The following RIPOR3 variants were observed in gnomAD, a reference collection of about 807,000 sequenced individuals.
RIPOR3 encodes family with sequence similarity 65 member C.
RIPOR3 carries 95 observed loss-of-function variants against 114.3 expected under a neutral mutation model. The ratio of observed to expected loss-of-function variants is 0.83; its 90% CI spans 0.70 to 0.99. The LOEUF (loss-of-function observed/expected upper bound fraction) is 0.99. Among genes scored for constraint, RIPOR3 ranks in the 50% least tolerant of loss-of-function variants. The pLI, the probability that RIPOR3 is intolerant of heterozygous loss-of-function variation, is 0.00. For synonymous variants in RIPOR3, 575 were observed against 543.8 expected (o/e 1.06, Z -0.80); for missense variants, 1,252 against 1,266.9 (o/e 0.99, Z 0.18).
chr20:50,646,896 A>G (rs1276644921), intron 1 of RIPOR3, among the ~76,000 whole-genome samples: 1 of 152,248 alleles, frequency 6.6e-6, no homozygotes, highest in Non-Finnish European at 1.5e-5. Flanking sequence ...TTGGGAATGC[A>G]TCTCCAATTT....
rs190393354 is a variant in RIPOR3 at position 50,629,226 on chromosome 20, G to A, written c.122+1512C>T. The stretch of plus-strand genomic sequence containing the variant: ...GGGAATCTTTGCAGGGTTTCAAGTC[G>A]GGGAAGAGCATGGTGGGATTTTATT... On this transcript the variant is annotated intron_variant, in intron 2 of 21. Coordinates refer to ENST00000327979, the MANE Select transcript of RIPOR3 (RefSeq NM_001290268.2). Among the ~76,000 whole-genome samples, 105 of 152,252 alleles carry A rather than the reference G, an allele frequency of 6.9e-4. 1 individual carries two copies. The highest frequency in any genetic ancestry group is 2.5e-3 in the African/African-American group (103 of 41,530).
chr20:50,588,939 G>C (rs557185789), intron 20 of RIPOR3, among the ~76,000 whole-genome samples: 1 of 151,396 alleles, frequency 6.6e-6, no homozygotes, highest in Admixed American at 6.6e-5. Context: ...AAAATTAGCC[G>C]GGCGTGGTGG....
chr20:50,618,081 T>C (rs1360617666), intron 3 of RIPOR3, among the ~76,000 whole-genome samples: 1 of 151,716 alleles, frequency 6.6e-6, no homozygotes, highest in Non-Finnish European at 1.5e-5. Flanking sequence ...CTGACCAATA[T>C]GGTGAAACCA....
At chr20:50,666,183 A>ATTTCTTTTTTCTTTTCTCTTCT (rs534286175) in intron 1 of RIPOR3, among the ~76,000 whole-genome samples, 1 of 43,734 alleles carries the variant, frequency 2.3e-5, no homozygotes, top group Non-Finnish European at 6.1e-5. Flanking sequence ...AAGGACACCC[A>ATTTCTTTTTTCTTTTCTCTTCT]TTTCTTTTCT....
chr20:50,587,719 C>G, intron 21 of RIPOR3, 83 bp downstream of exon 21: 1 of 1,375,072 alleles, frequency 7.3e-7, no homozygotes, highest in Non-Finnish European at 1.0e-6. Context: ...GTTCTGCCTG[C>G]TGGGAGAGCT....
chr20:50,651,988 T>C (rs538953158), intron 1 of RIPOR3, among the ~76,000 whole-genome samples: 210 of 152,334 alleles, frequency 1.4e-3, no homozygotes, highest in Non-Finnish European at 2.3e-3. Context: ...GACAAGACCT[T>C]AGGTCTTTGA....
At chr20:50,669,941 G>A (rs967347962) in intron 1 of RIPOR3, among the ~76,000 whole-genome samples, 8 of 151,850 alleles carry the variant, frequency 5.3e-5, no homozygotes, top group African/African-American at 1.5e-4. Flanking sequence ...TGGATCACCT[G>A]AGGTCAGGAG....
At chr20:50,614,079 A>G (rs2084073406) in intron 4 of RIPOR3, among the ~76,000 whole-genome samples, 1 of 152,190 alleles carries the variant, frequency 6.6e-6, no homozygotes, top group Non-Finnish European at 1.5e-5. Context: ...TCTATCGTCC[A>G]GGCTGGTGTG....
At chr20:50,675,141 A>G (rs2086642678) in intron 1 of RIPOR3, among the ~76,000 whole-genome samples, 1 of 152,114 alleles carries the variant, frequency 6.6e-6, no homozygotes, top group Non-Finnish European at 1.5e-5. Context: ...CTGAGGAACA[A>G]CAAGGATCCC....
chr20:50,667,613 G>A (rs920788833), intron 1 of RIPOR3, among the ~76,000 whole-genome samples: 4 of 152,112 alleles, frequency 2.6e-5, no homozygotes, highest in African/African-American at 9.7e-5. Context: ...TTCTTAACAC[G>A]TCCTCACCGC....
rs2083219384 is a variant in RIPOR3, at chr20:50,594,445, G to C, written c.2212+108C>G. The C allele has an allele frequency of 1.9e-5, 24 of 1,294,680 alleles. No individual in the cohort carries two copies. The South Asian group carries it at 3.3e-4, about 18-fold the overall frequency. The allele number at this position is 1,294,680 out of a possible 1,614,324, so 80.2% of individuals were successfully genotyped here. ...CTCCGTCCGATGGCATGAAGACACA[G>C]AGGTGAAGACAGGGCTGAAATGAGG... On this transcript the variant is annotated intron_variant, in intron 17 of 21. Transcript: ENST00000327979.
At chr20:50,593,327 C>T in intron 17 of RIPOR3, 131 bp from the exon 18 acceptor site, 2 of 979,532 alleles carry the variant, frequency 2.0e-6, no homozygotes, top group Non-Finnish European at 2.9e-6. Flanking sequence ...AACCCCAGCA[C>T]TTTGGGAGGC....
rs558386174 is a variant in RIPOR3, at chr20:50,659,647, CA to C, written c.4-28792del. Among the ~76,000 whole-genome samples the C allele has an allele frequency of 9.7e-3, 760 of 78,152 alleles. 3 individuals carry two copies. The highest frequency in any genetic ancestry group is 0.025 in the Admixed American group (177 of 7,006). The allele number at this position is 78,152 out of a possible 152,430, so 51.3% of individuals were successfully genotyped here. On this transcript the variant is annotated intron_variant, in intron 1 of 21. Transcript: ENST00000327979. ...AGGTGACAAGAGCGAAACTCCGTCT[CA>C]AAAAAAAAAAAAAAAAAAAATTCTA...
intron 4 of RIPOR3, among the ~76,000 whole-genome samples, chr20:50,611,849 C>T (rs1023547118): frequency 1.3e-5 from 2 of 152,276 alleles, no homozygotes; most frequent in East Asian, 1.9e-4. Context: ...CCTGGCCAGG[C>T]GCAGTGGCTC....
intron 2 of RIPOR3, among the ~76,000 whole-genome samples, chr20:50,623,728 G>A (rs6096034): frequency 0.058 from 8,808 of 152,236 alleles, 547 homozygotes; most frequent in African/African-American, 0.15. Context: ...TCAGGAGCCT[G>A]GTGAGAACAC....
At chr20:50,615,923 G>A in intron 4 of RIPOR3, 79 bp downstream of exon 4, 1 of 1,360,576 alleles carries the variant, frequency 7.3e-7, no homozygotes, top group Non-Finnish European at 1.0e-6. Flanking sequence ...CCGTGACATA[G>A]GCTAGAAGGA....
intron 11 of RIPOR3, among the ~76,000 whole-genome samples, chr20:50,608,070 C>G (rs1351896300): frequency 6.6e-6 from 1 of 152,038 alleles, no homozygotes; most frequent in African/African-American, 2.4e-5. Flanking sequence ...GCAAGGAGGG[C>G]CTTCCTGGAG....
chr20:50,658,981 G>A (rs1329516646), intron 1 of RIPOR3, among the ~76,000 whole-genome samples: 1 of 152,116 alleles, frequency 6.6e-6, no homozygotes, highest in Non-Finnish European at 1.5e-5. Context: ...AGTGCCAAAC[G>A]GAACTGTTGG....
chr20:50,598,547 T>C (rs2083383238), intron 13 of RIPOR3, among the ~76,000 whole-genome samples: 1 of 152,182 alleles, frequency 6.6e-6, no homozygotes, highest in Admixed American at 6.5e-5. Flanking sequence ...ACAAGGCTAG[T>C]TGCAGAGATC....
Sources: allele counts gnomAD v4.1 joint callset (sites outside exome capture counted in the v4.1 genomes callset), GRCh38; gene constraint gnomAD v4.1.1; transcripts MANE v1.5; gene names NCBI Gene and HGNC (gene_info 2026-07-23, HGNC 2026-07-21).